Variants in TRPV3 observed in about 807,000 individuals in gnomAD.
TRPV3 encodes the protein VRL-3.
Under a neutral mutation model 87.1 loss-of-function variants are expected in TRPV3, and 88 were observed. The ratio of observed to expected loss-of-function variants is 1.01; its 90% CI spans 0.85 to 1.21. TRPV3 has a LOEUF of 1.21. TRPV3 is among the 50% of genes most tolerant of loss of function. TRPV3 has a pLI of 0.00. For synonymous variants in TRPV3, 438 were observed against 423.3 expected (o/e 1.03, Z -0.43); for missense variants, 1,054 against 1,030.1 (o/e 1.02, Z -0.32).
chr17:3,535,679 C>T lies in TRPV3; in HGVS notation c.678G>A (p.Arg226=). 1.3e-6 allele frequency: 2 copies of T among 1,589,498 alleles called. No individual in the cohort carries two copies. Among genetic ancestry groups the T allele is most frequent in the Non-Finnish European group, 1.7e-6 (2 of 1,170,148 alleles). Residue 226 remains arginine, a synonymous_variant, in exon 7 of 18, where the codon CGG becomes CGA. Coordinates refer to ENST00000576742, the MANE Select transcript of TRPV3 (RefSeq NM_145068.4). ...QTALNIAIER[R]QGDIAALLIA... The stretch of plus-strand genomic sequence containing the variant: ...TGAGCAGGGCTGCGATGTCCCCCTG[C>T]CGCCGCTCGATGGCGATGTTCAGCG...
chr17:3,525,310 G>A (rs182843503), intron 12 of TRPV3, among the ~76,000 whole-genome samples: 55 of 152,276 alleles, frequency 3.6e-4, no homozygotes, highest in Admixed American at 1.1e-3. Context: ...GTGAGCCAAC[G>A]CGCCCAGCAT....
intron 2 of TRPV3, among the ~76,000 whole-genome samples, chr17:3,547,911 C>T (rs2150805307): frequency 6.6e-6 from 1 of 152,366 alleles, no homozygotes; most frequent in South Asian, 2.1e-4. Flanking sequence ...CAGACACACC[C>T]ACAAACACAG....
intron 6 of TRPV3, among the ~76,000 whole-genome samples, chr17:3,538,437 C>CAAA (rs1157337439): frequency 2.7e-5 from 2 of 74,442 alleles, no homozygotes; most frequent in Non-Finnish European, 6.7e-5. Context: ...TGGAAAAGAA[C>CAAA]AAAAAAAAAA....
intron 7 of TRPV3, 135 bp downstream of exon 7, chr17:3,535,438 C>T: frequency 1.3e-6 from 1 of 794,824 alleles, no homozygotes; most frequent in South Asian, 3.1e-5. Flanking sequence ...TCCTCCCTCT[C>T]CCTCCTCACT....
At chr17:3,532,009 G>A (rs1389891140) in intron 8 of TRPV3, among the ~76,000 whole-genome samples, 1 of 152,188 alleles carries the variant, frequency 6.6e-6, no homozygotes, top group East Asian at 1.9e-4. Context: ...AGACAGTGAG[G>A]CTGAGGAACA....
At chr17:3,534,407 A>T (rs1265222982) in intron 7 of TRPV3, among the ~76,000 whole-genome samples, 3 of 151,848 alleles carry the variant, frequency 2.0e-5, no homozygotes, top group South Asian at 2.1e-4. Flanking sequence ...AAATAAAAAT[A>T]AAAAAAATAA....
At chr17:3,516,397 T>TGC in intron 16 of TRPV3, 60 bp downstream of exon 16, 2 of 1,333,446 alleles carry the variant, frequency 1.5e-6, no homozygotes, top group African/African-American at 1.4e-5. Flanking sequence ...CCTGTCACCA[T>TGC]CCTGCCCCTC....
At chr17:3,545,394 C>T in intron 2 of TRPV3, 123 bp from the exon 3 acceptor site, 2 of 653,926 alleles carry the variant, frequency 3.1e-6, no homozygotes, top group Non-Finnish European at 5.2e-6. Flanking sequence ...GCTCTGAGCC[C>T]AAATGGCCTT....
chr17:3,524,153 G>A, intron 13 of TRPV3, 45 bp downstream of exon 13: 1 of 1,600,022 alleles, frequency 6.2e-7, no homozygotes, highest in Non-Finnish European at 8.5e-7. Flanking sequence ...TCTGAAAAAT[G>A]GCCATCCTCC....
At chr17:3,529,938 G>T (rs929246643) in intron 9 of TRPV3, 89 bp downstream of exon 9, 30 of 1,443,050 alleles carry the variant, frequency 2.1e-5, no homozygotes, top group Non-Finnish European at 2.8e-5. Flanking sequence ...GGAGCTGGCA[G>T]CACTGGGTCT....
Position 3,528,949 on chromosome 17 carries a change from T to C in TRPV3, c.1289A>G (p.His430Arg). 1 of 1,614,242 alleles carries C rather than the reference T, an allele frequency of 6.2e-7. No individual in the cohort carries two copies. Among genetic ancestry groups the C allele is most frequent in the Non-Finnish European group, 8.5e-7 (1 of 1,180,042 alleles). ...CTTGGCAAACTTCTTCCACTTCATA[T>C]GCAGCAGCGTGTGCAGCGGCTCCAG... Reference protein sequence around the residue: ...LTLEPLHTLLHMKWKKFAKHM... With the variant: ...LTLEPLHTLLRMKWKKFAKHM... The change falls in exon 10 of 18, where the codon CAT (histidine) becomes CGT (arginine). Residue 430 changes from histidine (H) to arginine (R), a missense_variant. Physicochemically the swap from His to Arg is conservative, Grantham distance 29. Coordinates refer to ENST00000576742, the MANE Select transcript of TRPV3 (RefSeq NM_145068.4). This position sits in a 1 kb window ranked among gnomAD's most constrained non-coding sequence, Gnocchi z 4.2.
chr17:3,532,755 TGTC>T lies in TRPV3; in HGVS notation c.964_966del (p.Asp322del). ...CAGTTGCCACTCCGCAGTAGGATCA[TGTC>T]GTACATGCGCTTCACAAAGTCATTC... On this transcript the variant is annotated inframe_deletion, in exon 8 of 18. Transcript: ENST00000576742. 1 of 1,614,280 alleles carries T rather than the reference TGTC, an allele frequency of 6.2e-7. No individual in the cohort carries two copies. The highest frequency in any genetic ancestry group is 8.5e-7 in the Non-Finnish European group (1 of 1,180,052).
rs2074341266 is a variant in TRPV3, at chr17:3,530,620, ACTC to A, written c.1066-420_1066-418del. 6.6e-6 allele frequency among the ~76,000 whole-genome samples: 1 copy of A among 151,630 alleles called. No individual in the cohort carries two copies. Among genetic ancestry groups the A allele is most frequent in the Non-Finnish European group, 1.5e-5 (1 of 67,896 alleles). On this transcript the variant is annotated intron_variant, in intron 8 of 17. Coordinates refer to ENST00000576742, the MANE Select transcript of TRPV3 (RefSeq NM_145068.4). This position sits in a 1 kb window ranked among gnomAD's most constrained non-coding sequence, Gnocchi z 4.0. ...CGTCCCCAGCCCACCCTAAGCCAAG[ACTC>A]CTCCAGCTGTGGCTCACCACTCTGG...
chr17:3,543,320 C>T (rs2074487121), intron 5 of TRPV3, among the ~76,000 whole-genome samples, 154 bp downstream of exon 5: 1 of 152,200 alleles, frequency 6.6e-6, no homozygotes, highest in African/African-American at 2.4e-5. Flanking sequence ...TCTGTGGTTC[C>T]CCATTCTCCT....
chr17:3,535,129 C>T (rs1485490600), intron 7 of TRPV3, among the ~76,000 whole-genome samples: 1 of 151,276 alleles, frequency 6.6e-6, no homozygotes, highest in East Asian at 2.0e-4. Flanking sequence ...CGGGGTGGCC[C>T]CTCCCTTCCT....
chr17:3,546,863 G>A, intron 2 of TRPV3: 1 of 298,536 alleles, frequency 3.3e-6, no homozygotes, highest in South Asian at 2.9e-5. Flanking sequence ...AGCTATTCAG[G>A]AGGCTGAGGC....
Position 3,513,054 on chromosome 17 carries a change from CG to C in TRPV3, c.*862del, listed in dbSNP as rs1456575435. ...TCGCGGCGGCCCAGCAGGACTTGCCCGGAGTGTCTCATGCAGACTTTTGTGT... is the reference window on the plus strand; with the variant it reads ...TCGCGGCGGCCCAGCAGGACTTGCCCGAGTGTCTCATGCAGACTTTTGTGT... On this transcript the variant is annotated 3_prime_UTR_variant, in exon 18 of 18. Transcript: ENST00000576742. 4 of 152,366 alleles carry C rather than the reference CG, an allele frequency of 2.6e-5. No individual in the cohort carries two copies. The highest frequency in any genetic ancestry group is 9.7e-5 in the African/African-American group (4 of 41,428). The allele number at this position is 152,366 out of a possible 1,614,324, so 9.4% of individuals were successfully genotyped here. A position where few individuals can be genotyped will look rare whatever the true frequency, so the allele number is the denominator to read the frequency against.
chr17:3,524,415 G>A (rs760540714), intron 12 of TRPV3, 52 bp from the exon 13 acceptor site: 8 of 1,597,508 alleles, frequency 5.0e-6, no homozygotes, highest in East Asian at 4.5e-5. Flanking sequence ...CAGCATCAGG[G>A]CAAAGATATG....
rs886052843 is a variant in TRPV3 at position 3,511,552 on chromosome 17, A to G, written c.*2365T>C. ...ACTTATGGCTTCCCTTGGTAAACCT[A>G]CCTAGGCTCAGACGTTTTGGCTGAA... On this transcript the variant is annotated 3_prime_UTR_variant, in exon 18 of 18. Coordinates refer to ENST00000576742, the MANE Select transcript of TRPV3 (RefSeq NM_145068.4). 6.6e-6 allele frequency: 1 copy of G among 152,330 alleles called. No individual in the cohort carries two copies. Among genetic ancestry groups the G allele is most frequent in the East Asian group, 1.9e-4 (1 of 5,186 alleles). The allele number at this position is 152,330 out of a possible 1,614,324, so 9.4% of individuals were successfully genotyped here.
Sources: gnomAD v4.1 joint callset for allele counts (sites outside exome capture counted in the v4.1 genomes callset) on GRCh38, gnomAD v4.1.1 for gene constraint, Gnocchi (gnomAD v3.1) non-coding constraint, MANE v1.5 for transcripts, NCBI Gene and HGNC (gene_info 2026-07-23, HGNC 2026-07-21) for gene names.